The following NPAT variants were observed in gnomAD, a reference collection of about 807,000 sequenced individuals.
NPAT encodes the protein nuclear protein, coactivator of histone transcription.
In NPAT, 52 loss-of-function variants were observed where a neutral mutation model predicts 130.7. That is an observed-to-expected ratio of 0.40 (90% CI 0.32 to 0.50). NPAT has a LOEUF of 0.50. Ranked by LOEUF, NPAT falls within the 20% of genes least tolerant of loss-of-function variation. The pLI, the probability that NPAT is intolerant of heterozygous loss-of-function variation, is 0.68. For missense variants in NPAT, 1,687 were observed against 1,662.6 expected, an observed-to-expected ratio of 1.01 and a Z score of -0.26; for synonymous variants, 580 against 584.8, an observed-to-expected ratio of 0.99 and a Z score of 0.12.
chr11:108,219,796 T>G (rs958960523), intron 1 of NPAT, among the ~76,000 whole-genome samples: 2 of 152,334 alleles, frequency 1.3e-5, no homozygotes, highest in African/African-American at 4.8e-5. Flanking sequence ...CTATACATTT[T>G]TAAGTGTTGA....
At chr11:108,164,373 G>T (rs1278615681) in intron 15 of NPAT, among the ~76,000 whole-genome samples, 3 of 152,188 alleles carry the variant, frequency 2.0e-5, no homozygotes, top group East Asian at 1.9e-4. Context: ...ATGGCTGGCT[G>T]GACAGATCAA....
At chr11:108,216,379 GT>G (rs2078436075) in intron 1 of NPAT, among the ~76,000 whole-genome samples, 1 of 152,118 alleles carries the variant, frequency 6.6e-6, no homozygotes, top group East Asian at 1.9e-4. Flanking sequence ...CTGAAAATTG[GT>G]TCTGGGGCAG....
At chr11:108,167,657 AC>A (rs770850101) in intron 15 of NPAT, among the ~76,000 whole-genome samples, 2 of 152,264 alleles carry the variant, frequency 1.3e-5, no homozygotes, top group African/African-American at 2.4e-5. Flanking sequence ...CTGGCTTATT[AC>A]ATACAGGGTG....
chr11:108,179,838 T>TTCA (rs1266060955), intron 10 of NPAT, among the ~76,000 whole-genome samples: 1 of 152,030 alleles, frequency 6.6e-6, no homozygotes, highest in East Asian at 1.9e-4. Flanking sequence ...AGGGAAAAGC[T>TTCA]TCATGAGGTT....
intron 10 of NPAT, among the ~76,000 whole-genome samples, chr11:108,182,586 C>T (rs1197651682): frequency 6.6e-6 from 1 of 152,264 alleles, no homozygotes; most frequent in Non-Finnish European, 1.5e-5. Context: ...CAAACTCCGC[C>T]TCCCGGGTTC....
rs768258274 is a variant in NPAT at position 108,160,963 on chromosome 11, A to G, written c.4123T>C (p.Leu1375=). Residue 1375 remains leucine (L), a synonymous_variant, in exon 17 of 18, where the codon TTA becomes CTA. Coordinates refer to ENST00000278612, the MANE Select transcript of NPAT (RefSeq NM_002519.3). ...STTKKRKIEE[L]DERERNSRPS... ...CGAGAGTTTCGCTCACGTTCATCTA[A>G]TTCCTCAATTTTCCGCTTTTTTGTG... 6.2e-7 allele frequency: 1 copy of G among 1,614,036 alleles called. No individual in the cohort carries two copies. Among genetic ancestry groups the G allele is most frequent in the Non-Finnish European group, 8.5e-7 (1 of 1,180,028 alleles).
At position 108,172,373 on chromosome 11, in the gene NPAT, AG is replaced by A. The variant is rs2077959919; in HGVS notation, c.2610del (p.Cys871ValfsTer2). 1 of 1,614,116 alleles carries A rather than the reference AG, an allele frequency of 6.2e-7. No individual in the cohort carries two copies. Among genetic ancestry groups the A allele is most frequent in the African/African-American group, 1.3e-5 (1 of 74,946 alleles). On this transcript the variant is annotated frameshift_variant, in exon 13 of 18. Coordinates refer to ENST00000278612, the MANE Select transcript of NPAT (RefSeq NM_002519.3). LOFTEE classifies it high-confidence loss of function. ...FGNSNNILIA[T>X]CVTDPTALGT... ...CCTAACGCTGTTGGATCAGTCACAC[AG>A]GTAGCTATCAGAATGTTATTTGAAT...
chr11:108,203,902 A>G (rs1269149396), intron 1 of NPAT, among the ~76,000 whole-genome samples: 1 of 152,160 alleles, frequency 6.6e-6, no homozygotes, highest in African/African-American at 2.4e-5. Context: ...TAATACACAT[A>G]TTTGGTCCAT....
intron 1 of NPAT, among the ~76,000 whole-genome samples, chr11:108,211,248 A>G (rs968344336): frequency 6.6e-6 from 1 of 151,938 alleles, no homozygotes; most frequent in Non-Finnish European, 1.5e-5. Context: ...GTGAACATAA[A>G]AGTCCTCAAC....
In NPAT at chr11:108,173,493, T is replaced by C. The variant is rs375517807; in HGVS notation, c.1491A>G (p.Glu497=). 1.4e-4 allele frequency: 222 copies of C among 1,614,044 alleles called. No individual in the cohort carries two copies. Among genetic ancestry groups the C allele is most frequent in the Non-Finnish European group, 1.8e-4 (215 of 1,180,010 alleles). The change falls in exon 13 of 18, where the codon GAA becomes GAG. Residue 497 remains glutamate (E), a synonymous_variant. Coordinates refer to ENST00000278612, the MANE Select transcript of NPAT (RefSeq NM_002519.3). Reference sequence around the variant, plus strand: ...CAGGCTGATCAGGCTGTAACTGAGATTCACTCGGTACATTTGAAGACAAAG... The same window carrying C: ...CAGGCTGATCAGGCTGTAACTGAGACTCACTCGGTACATTTGAAGACAAAG... The part of the protein sequence containing the change: ...KNSLSSNVPS[E]SQLQPDQPDI...
intron 1 of NPAT, among the ~76,000 whole-genome samples, chr11:108,206,810 G>A (rs533152222): frequency 3.5e-4 from 54 of 152,322 alleles, no homozygotes; most frequent in African/African-American, 1.1e-3. Flanking sequence ...TGCTCAAGGC[G>A]GAGAGGAGCT....
intron 1 of NPAT, 146 bp downstream of exon 1, chr11:108,222,354 T>A: frequency 9.6e-6 from 8 of 832,734 alleles, no homozygotes; most frequent in Admixed American, 8.1e-5. Context: ...AACCTCCGAA[T>A]GACGAAGAAT....
chr11:108,174,615 C>CTTT (rs1208012953), intron 12 of NPAT, among the ~76,000 whole-genome samples: 5 of 132,634 alleles, frequency 3.8e-5, no homozygotes, highest in Admixed American at 7.6e-5. Flanking sequence ...AGAGTATTTC[C>CTTT]TTTTTTTTTT....
intron 7 of NPAT, 36 bp from the exon 8 acceptor site, chr11:108,186,605 T>C (rs760767304): frequency 4.3e-5 from 64 of 1,502,922 alleles, no homozygotes; most frequent in Non-Finnish European, 5.7e-5. Context: ...TTTTAACCAC[T>C]ATATTTAACA....
intron 1 of NPAT, among the ~76,000 whole-genome samples, chr11:108,219,368 T>C (rs1297372372): frequency 6.6e-6 from 1 of 152,160 alleles, no homozygotes; most frequent in East Asian, 1.9e-4. Flanking sequence ...CTACTGTTGC[T>C]AACCACTGAG....
Position 108,173,617 on chromosome 11 carries a change from C to T in NPAT, c.1367G>A (p.Arg456Lys). 1 of 1,614,160 alleles carries T rather than the reference C, an allele frequency of 6.2e-7. No homozygotes were observed. The highest frequency in any genetic ancestry group is 8.5e-7 in the Non-Finnish European group (1 of 1,180,038). ...SVPNLNDFNQ[R>K]GNSNAECNPH... The stretch of plus-strand genomic sequence containing the variant: ...ATTACATTCAGCATTAGAATTCCCT[C>T]TTTGGTTAAAGTCATTCAAATTAGG... The change falls in exon 13 of 18, where the codon AGA becomes AAA. Residue 456 changes from arginine (R) to lysine (K), a missense_variant. Coordinates refer to ENST00000278612, the MANE Select transcript of NPAT (RefSeq NM_002519.3).
Position 108,190,486 on chromosome 11 carries a change from G to T in NPAT, c.305C>A (p.Ser102Tyr). Residue 102 changes from serine to tyrosine, a missense_variant, in exon 5 of 18, where the codon TCC (serine) becomes TAC (tyrosine). By Grantham distance (144) the Ser-to-Tyr change is moderately radical (BLOSUM62 -2). Transcript: ENST00000278612. ...TCTCTGACTGCCAGCAAACCTTGGG[G>T]AACTTTGCATGCTCCTAACAAAGAA... The part of the protein sequence containing the change: ...TLSQIRSMQS[S>Y]PRFAGSQRAR... The T allele has an allele frequency of 6.2e-7, 1 of 1,613,920 alleles. No individual in the cohort carries two copies. The highest frequency in any genetic ancestry group is 8.5e-7 in the Non-Finnish European group (1 of 1,179,840).
chr11:108,172,663 G>A lies in NPAT; in HGVS notation c.2321C>T (p.Ser774Phe). The A allele has an allele frequency of 1.2e-6, 2 of 1,614,036 alleles. No individual in the cohort carries two copies. The highest frequency in any genetic ancestry group is 1.7e-6 in the Non-Finnish European group (2 of 1,179,980). The change falls in exon 13 of 18, where the codon TCT becomes TTT. Residue 774 changes from serine to phenylalanine, a missense_variant. By Grantham distance (155) the Ser-to-Phe change is radical. Coordinates refer to ENST00000278612, the MANE Select transcript of NPAT (RefSeq NM_002519.3). Reference sequence around the variant, plus strand: ...TTTAGTAGGTGATTTAGTAGGAGAAGACAAGATTATAGTTGGCAGGTTTTC... The same window carrying A: ...TTTAGTAGGTGATTTAGTAGGAGAAAACAAGATTATAGTTGGCAGGTTTTC... ...NGENLPTIIL[S>F]SPTKSPTKNA...
chr11:108,168,608 T>C (rs1222332115), intron 15 of NPAT, among the ~76,000 whole-genome samples: 1 of 152,178 alleles, frequency 6.6e-6, no homozygotes, highest in Non-Finnish European at 1.5e-5. Context: ...TGCTGTAGCA[T>C]AGGTATCACT....
Sources: gnomAD v4.1 joint callset for allele counts (sites outside exome capture counted in the v4.1 genomes callset) on GRCh38, gnomAD v4.1.1 for gene constraint, MANE v1.5 for transcripts, NCBI Gene and HGNC (gene_info 2026-07-23, HGNC 2026-07-21) for gene names.